Variants in DDX4 observed in about 807,000 individuals in gnomAD.
DDX4 encodes probable ATP-dependent RNA helicase DDX4.
Under a neutral mutation model 100.0 loss-of-function variants are expected in DDX4, and 25 were observed. That is an observed-to-expected ratio of 0.25 (90% confidence interval 0.18 to 0.35). The LOEUF (loss-of-function observed/expected upper bound fraction) is 0.35, where lower values mean the gene tolerates loss of function less well. Among genes scored for constraint, DDX4 ranks in the 10% least tolerant of loss-of-function variants. DDX4 has a pLI of 1.00. For synonymous variants in DDX4, 259 were observed against 275.7 expected, an observed-to-expected ratio of 0.94 and a Z score of 0.60; for missense variants, 635 against 882.4, an observed-to-expected ratio of 0.72 and a Z score of 3.55.
chr5:55,738,148 C>A (rs1240981882), intron 1 of DDX4, 47 bp downstream of exon 1: 3 of 152,296 alleles, frequency 2.0e-5, no homozygotes, highest in East Asian at 3.9e-4. Flanking sequence ...CTCGGCCGTA[C>A]GGGCTCCCCA....
At chr5:55,762,424 T>C (rs1211543153) in intron 4 of DDX4, among the ~76,000 whole-genome samples, 2 of 152,146 alleles carry the variant, frequency 1.3e-5, no homozygotes, top group Non-Finnish European at 2.9e-5. Flanking sequence ...GAAGGATAAA[T>C]TATGACTGGA....
intron 18 of DDX4, 33 bp downstream of exon 18, chr5:55,798,604 T>A (rs1743110709): frequency 6.5e-7 from 1 of 1,539,670 alleles, no homozygotes; most frequent in South Asian, 1.3e-5. Context: ...TTTGTCATGA[T>A]TTTGATTTTT....
intron 10 of DDX4, chr5:55,782,326 C>T (rs184999416): frequency 6.4e-5 from 13 of 202,336 alleles, no homozygotes; most frequent in East Asian, 1.1e-4. Flanking sequence ...TGTTTAAGTC[C>T]GGGTGCGGTG....
chr5:55,780,936 G>T, intron 8 of DDX4, 130 bp from the exon 9 acceptor site: 1 of 650,240 alleles, frequency 1.5e-6, no homozygotes, highest in Non-Finnish European at 2.5e-6. Flanking sequence ...AGTTTAATAG[G>T]ACAGTATTTT....
At chr5:55,797,300 A>G (rs923811158) in intron 17 of DDX4, among the ~76,000 whole-genome samples, 1 of 152,210 alleles carries the variant, frequency 6.6e-6, no homozygotes, top group Non-Finnish European at 1.5e-5. Context: ...TTTTCTTAAT[A>G]TATCTTTCCT....
At chr5:55,806,309 T>G (rs1377713634) in intron 18 of DDX4, among the ~76,000 whole-genome samples, 1 of 152,188 alleles carries the variant, frequency 6.6e-6, no homozygotes, top group African/African-American at 2.4e-5. Flanking sequence ...AGGGTTTTTT[T>G]TGTCTCTTAT....
intron 8 of DDX4, 138 bp downstream of exon 8, chr5:55,780,203 C>A: frequency 7.8e-7 from 1 of 1,280,846 alleles, no homozygotes; most frequent in Non-Finnish European, 1.0e-6. Context: ...CATTAATCAC[C>A]ACATTGTATA....
At chr5:55,800,808 T>C (rs1469776642) in intron 18 of DDX4, among the ~76,000 whole-genome samples, 1 of 152,240 alleles carries the variant, frequency 6.6e-6, no homozygotes, top group Non-Finnish European at 1.5e-5. Flanking sequence ...GTGTTCATAG[T>C]TGATACCTTT....
chr5:55,792,520 TG>T, intron 16 of DDX4, 120 bp from the exon 17 acceptor site: 1 of 484,604 alleles, frequency 2.1e-6, no homozygotes, highest in Non-Finnish European at 3.2e-6. Context: ...CCAACACGCC[TG>T]GCTAATTTTT....
intron 14 of DDX4, among the ~76,000 whole-genome samples, chr5:55,787,332 T>C (rs1561503410): frequency 6.6e-6 from 1 of 152,198 alleles, no homozygotes; most frequent in Non-Finnish European, 1.5e-5. Flanking sequence ...AAGTGTCTTA[T>C]TTGCTTAAAT....
chr5:55,788,594 ATTC>A (rs1417830783), intron 15 of DDX4, among the ~76,000 whole-genome samples: 1 of 152,214 alleles, frequency 6.6e-6, no homozygotes, highest in Non-Finnish European at 1.5e-5. Context: ...ATAATTTCCT[ATTC>A]TTTTACATAA....
chr5:55,814,794 G>A, intron 19 of DDX4, 107 bp from the exon 20 acceptor site: 1 of 1,283,152 alleles, frequency 7.8e-7, no homozygotes, highest in East Asian at 2.3e-5. Context: ...CCAGCCAAAT[G>A]CTGCTATTCA....
intron 18 of DDX4, among the ~76,000 whole-genome samples, chr5:55,809,393 G>A (rs1358870740): frequency 2.6e-5 from 4 of 152,086 alleles, no homozygotes; most frequent in South Asian, 2.1e-4. Flanking sequence ...GAAATCAGCC[G>A]TCTTCTGCGT....
chr5:55,801,778 A>G (rs1000396123), intron 18 of DDX4, among the ~76,000 whole-genome samples: 1 of 152,226 alleles, frequency 6.6e-6, no homozygotes. Context: ...GGAAGTTTTC[A>G]TAAGGAATGT....
chr5:55,749,273 T>A (rs945583477), intron 3 of DDX4, among the ~76,000 whole-genome samples: 4 of 152,012 alleles, frequency 2.6e-5, no homozygotes, highest in Admixed American at 6.5e-5. Context: ...GTACAAAAAA[T>A]TTTTAAAAAT....
intron 18 of DDX4, among the ~76,000 whole-genome samples, chr5:55,807,126 C>T (rs1743782787): frequency 2.0e-5 from 3 of 152,112 alleles, no homozygotes; most frequent in African/African-American, 4.8e-5. Context: ...TCTGTTTTAT[C>T]AGAGACTAGG....
At chr5:55,766,989 T>C (rs967955580) in intron 6 of DDX4, 3 of 1,531,174 alleles carry the variant, frequency 2.0e-6, no homozygotes, top group Non-Finnish European at 2.6e-6. Context: ...CAGCCTTCAG[T>C]ATAGTAATCT....
intron 6 of DDX4, among the ~76,000 whole-genome samples, chr5:55,765,413 A>AAAAAAATATATATATATAT (rs1392558099): frequency 3.6e-5 from 3 of 83,042 alleles, no homozygotes; most frequent in African/African-American, 1.7e-4. Context: ...AAAAAAAAAA[A>AAAAAAATATATATATATAT]ATATATATAT....
intron 12 of DDX4, 100 bp from the exon 13 acceptor site, chr5:55,785,629 A>G (rs1742194964): frequency 5.4e-6 from 7 of 1,285,930 alleles, no homozygotes; most frequent in Non-Finnish European, 2.2e-6. Flanking sequence ...GGGAAGTTCC[A>G]TAGTATTTAA....
Sources: allele counts gnomAD v4.1 joint callset (sites outside exome capture counted in the v4.1 genomes callset), GRCh38; gene constraint gnomAD v4.1.1; transcripts MANE v1.5; gene names NCBI Gene and HGNC (gene_info 2026-07-23, HGNC 2026-07-21).